TAFA2: variants seen among roughly 807,000 people sequenced by gnomAD.
TAFA2 encodes the protein chemokine-like protein TAFA-2.
A neutral mutation model predicts 18.8 loss-of-function variants in TAFA2; 7 were observed. The observed-to-expected ratio is 0.37, with a 90% CI of 0.21 to 0.70. The LOEUF is 0.70. TAFA2 is among the 30% of genes least tolerant of loss of function. The probability of loss-of-function intolerance (pLI) is 0.53; values close to 1 mark genes in which losing one functional copy is unlikely to be tolerated. For missense variants in TAFA2, 122 were observed against 158.1 expected, an observed-to-expected ratio of 0.77 and a Z score of 1.23; for synonymous variants, 60 against 54.2, an observed-to-expected ratio of 1.11 and a Z score of -0.47.
At chr12:61,761,090 T>C (rs1010821475) in intron 2 of TAFA2, among the ~76,000 whole-genome samples, 3 of 151,956 alleles carry the variant, frequency 2.0e-5, no homozygotes, top group African/African-American at 7.2e-5. Flanking sequence ...GGCTCTATGG[T>C]ACCCCAGAAA....
upstream of TAFA2, among the ~76,000 whole-genome samples, chr12:62,197,319 T>C (rs1023643175): frequency 7.2e-5 from 11 of 152,238 alleles, no homozygotes; most frequent in African/African-American, 2.4e-4. Context: ...GTCTAAGCAG[T>C]AAAAAATAAT....
chr12:62,258,053 G>A (rs879684127), intron 1 of TAFA2, among the ~76,000 whole-genome samples: 31 of 152,116 alleles, frequency 2.0e-4, no homozygotes, highest in Non-Finnish European at 4.4e-4. Context: ...CAGACTGCCT[G>A]GTTTCAATTT....
chr12:62,228,246 G>A (rs958327643), intron 1 of TAFA2, among the ~76,000 whole-genome samples: 2 of 151,988 alleles, frequency 1.3e-5, no homozygotes, highest in African/African-American at 4.8e-5. Flanking sequence ...CATGTGTACG[G>A]AATGTTTAGC....
At chr12:61,811,248 G>A (rs1871856917) in intron 2 of TAFA2, among the ~76,000 whole-genome samples, 1 of 151,142 alleles carries the variant, frequency 6.6e-6, no homozygotes, top group Admixed American at 6.6e-5. Context: ...AATTCTTCAT[G>A]TATTATCACA....
intron 1 of TAFA2, among the ~76,000 whole-genome samples, chr12:62,089,682 A>T (rs1267693474): frequency 1.3e-5 from 2 of 152,084 alleles, no homozygotes; most frequent in Non-Finnish European, 2.9e-5. Flanking sequence ...TATTTTAAAT[A>T]CATATGATTC....
chr12:61,953,900 G>A lies in TAFA2; in HGVS notation c.-1-86474C>T, dbSNP rs142998038. ...CACTACACAGGCATTTTTGAAAAGC[G>A]TATTAAGAAAGAACATACTTTGAAA... On this transcript the variant is annotated intron_variant, in intron 1 of 4. Coordinates refer to ENST00000416284, the MANE Select transcript of TAFA2 (RefSeq NM_178539.5). 1.7e-3 allele frequency among the ~76,000 whole-genome samples: 255 copies of A among 152,250 alleles called. 1 individual carries two copies. Among genetic ancestry groups the A allele is most frequent in the African/African-American group, 5.9e-3 (244 of 41,572 alleles).
chr12:61,940,919 T>G (rs1442990257), intron 1 of TAFA2, among the ~76,000 whole-genome samples: 1 of 152,186 alleles, frequency 6.6e-6, no homozygotes, highest in Admixed American at 6.5e-5. Flanking sequence ...AATACTAGAT[T>G]ATCCAAGATA....
chr12:62,165,074 T>C (rs2062429823), intron 1 of TAFA2, among the ~76,000 whole-genome samples: 1 of 152,126 alleles, frequency 6.6e-6, no homozygotes, highest in Admixed American at 6.6e-5. Flanking sequence ...TTTTCAATTA[T>C]GCTGAATTGG....
At chr12:62,015,298 C>G (rs974152609) in intron 1 of TAFA2, among the ~76,000 whole-genome samples, 2 of 152,136 alleles carry the variant, frequency 1.3e-5, no homozygotes, top group Non-Finnish European at 2.9e-5. Flanking sequence ...GCACAGCCAG[C>G]ATCTAAAACA....
intron 1 of TAFA2, among the ~76,000 whole-genome samples, chr12:61,957,183 T>C (rs1345274472): frequency 1.3e-5 from 2 of 152,164 alleles, no homozygotes; most frequent in Admixed American, 6.6e-5. Flanking sequence ...TAAGGAGATC[T>C]TTGGTGTCAC....
chr12:62,098,367 C>T (rs1869038493), intron 1 of TAFA2, among the ~76,000 whole-genome samples: 1 of 152,124 alleles, frequency 6.6e-6, no homozygotes, highest in South Asian at 2.1e-4. Flanking sequence ...TTCCCTGACA[C>T]TGATAAACGG....
intron 1 of TAFA2, among the ~76,000 whole-genome samples, chr12:62,136,301 A>G (rs1488940479): frequency 6.6e-6 from 1 of 152,142 alleles, no homozygotes; most frequent in Non-Finnish European, 1.5e-5. Flanking sequence ...TTTCATGTCT[A>G]TGGAGATACA....
intron 1 of TAFA2, among the ~76,000 whole-genome samples, chr12:61,932,599 C>T (rs897879023): frequency 4.6e-5 from 7 of 152,248 alleles, no homozygotes; most frequent in African/African-American, 9.6e-5. Flanking sequence ...CCCTCCACCA[C>T]GCCCAGCTAA....
chr12:62,039,244 C>CT (rs1881693912), intron 1 of TAFA2, among the ~76,000 whole-genome samples: 1 of 152,126 alleles, frequency 6.6e-6, no homozygotes, highest in Admixed American at 6.5e-5. Flanking sequence ...CTCTATGCAC[C>CT]TTACACTAAT....
intron 1 of TAFA2, among the ~76,000 whole-genome samples, chr12:62,210,306 TC>T (rs1394708158): frequency 6.6e-6 from 1 of 152,212 alleles, no homozygotes; most frequent in Non-Finnish European, 1.5e-5. Flanking sequence ...CATTGTTTTT[TC>T]ATTTGACATA....
intron 1 of TAFA2, among the ~76,000 whole-genome samples, chr12:62,120,853 T>C (rs1295816538): frequency 6.6e-6 from 1 of 150,994 alleles, no homozygotes; most frequent in African/African-American, 2.4e-5. Context: ...TTATTTATTT[T>C]ATTTATTTAT....
At chr12:62,075,985 C>T (rs1868247274) in intron 1 of TAFA2, among the ~76,000 whole-genome samples, 1 of 152,102 alleles carries the variant, frequency 6.6e-6, no homozygotes, top group South Asian at 2.1e-4. Context: ...TGGTTAAGTA[C>T]CCTGGCAAAT....
chr12:62,099,721 T>C (rs1004470114), intron 1 of TAFA2, among the ~76,000 whole-genome samples: 1 of 152,162 alleles, frequency 6.6e-6, no homozygotes, highest in African/African-American at 2.4e-5. Context: ...CCTTGCTGGC[T>C]GCACTTCACA....
At position 61,790,455 on chromosome 12, in the gene TAFA2, T is replaced by C. The variant is rs370093092; in HGVS notation, c.107-35431A>G. On this transcript the variant is annotated intron_variant, in intron 2 of 4. Coordinates refer to ENST00000416284, the MANE Select transcript of TAFA2 (RefSeq NM_178539.5). ...TCTGTTTGCAGAGGCTATAGTCTTATGTATAGAAAATCCTAAAGACTACAC... is the reference window on the plus strand; with the variant it reads ...TCTGTTTGCAGAGGCTATAGTCTTACGTATAGAAAATCCTAAAGACTACAC... 3.9e-5 allele frequency among the ~76,000 whole-genome samples: 6 copies of C among 152,008 alleles called. No individual in the cohort carries two copies. The East Asian group carries it at 7.8e-4, about 20-fold the overall frequency.
Sources: gnomAD v4.1 joint callset for allele counts (sites outside exome capture counted in the v4.1 genomes callset) on GRCh38, gnomAD v4.1.1 for gene constraint, MANE v1.5 for transcripts, NCBI Gene and HGNC (gene_info 2026-07-23, HGNC 2026-07-21) for gene names.